The following RALGAPB variants were observed in gnomAD, a reference collection of about 807,000 sequenced individuals.
The protein encoded by RALGAPB is Ral GTPase activating protein non-catalytic subunit beta.
RALGAPB carries 25 observed loss-of-function variants against 161.1 expected under a neutral mutation model. The observed-to-expected ratio is 0.16, with a 90% CI of 0.11 to 0.22. RALGAPB has a LOEUF of 0.22. Among genes scored for constraint, RALGAPB ranks in the 10% least tolerant of loss-of-function variants. RALGAPB has a pLI of 1.00. For synonymous variants in RALGAPB, 629 were observed against 626.1 expected (o/e 1.00, Z -0.07); for missense variants, 1,391 against 1,815.2 (o/e 0.77, Z 4.25).
intron 3 of RALGAPB, among the ~76,000 whole-genome samples, chr20:38,495,646 A>G (rs937922915): frequency 3.3e-5 from 5 of 152,214 alleles, no homozygotes; most frequent in African/African-American, 9.6e-5. Context: ...ATTCACCACC[A>G]CTGTTCTAAA....
In RALGAPB at chr20:38,517,595, C is replaced by A. The variant is rs1568933907; in HGVS notation, c.1141C>A (p.Pro381Thr). ...PQSAAVSTTPPHNRRHRAVTV... is the reference protein window; with the variant it reads ...PQSAAVSTTPTHNRRHRAVTV... ...AAGTGCTGCTGTCAGTACCACCCCC[C>A]CACATAACCGGAGGCACCGGGCTGT... is the stretch of plus-strand genomic sequence containing the variant. Residue 381 changes from proline to threonine, a missense_variant, in exon 8 of 30, where the codon CCA becomes ACA. Coordinates refer to ENST00000262879, the MANE Select transcript of RALGAPB (RefSeq NM_020336.4). 1.2e-6 allele frequency: 2 copies of A among 1,614,064 alleles called. No individual in the cohort carries two copies. The highest frequency in any genetic ancestry group is 1.7e-6 in the Non-Finnish European group (2 of 1,179,978).
At chr20:38,491,328 T>C (rs1050174040) in intron 2 of RALGAPB, among the ~76,000 whole-genome samples, 1 of 150,904 alleles carries the variant, frequency 6.6e-6, no homozygotes, top group South Asian at 2.1e-4. Context: ...GCATACACTG[T>C]TTTTCTTTTT....
intron 14 of RALGAPB, 122 bp downstream of exon 14, chr20:38,531,353 C>A: frequency 2.5e-6 from 2 of 797,364 alleles, no homozygotes; most frequent in Non-Finnish European, 4.0e-6. Flanking sequence ...TGCTCATTGG[C>A]TCAGAAGTTT....
In RALGAPB at chr20:38,475,717, C is replaced by T. The variant is rs557935091; in HGVS notation, c.-31+2648C>T. ...ACAACCTCCGCCTCCTGGGTTCAAA[C>T]GATTCTCCTGCCTCAGCCTCCTGAG... On this transcript the variant is annotated intron_variant, in intron 1 of 29. Transcript: ENST00000262879. 1.1e-4 allele frequency among the ~76,000 whole-genome samples: 17 copies of T among 151,232 alleles called. No homozygotes were observed. In the South Asian group the frequency reaches 3.1e-3, roughly 28 times the overall value.
At chr20:38,574,114 C>G (rs1176412434) in intron 28 of RALGAPB, 36 bp from the exon 29 acceptor site, 3 of 1,576,378 alleles carry the variant, frequency 1.9e-6, no homozygotes, top group Non-Finnish European at 2.6e-6. Context: ...GACTTCAACT[C>G]TTGGGTGTCT....
rs757501919 is a variant in RALGAPB at position 38,546,292 on chromosome 20, C to T, written c.2764C>T (p.Pro922Ser). Residue 922 changes from proline to serine, a missense_variant, in exon 19 of 30, where the codon CCT (proline) becomes TCT (serine). Physicochemically the swap from Pro to Ser is moderately conservative, Grantham distance 74. This residue lies in a region of RALGAPB where 946 missense variants were observed against 1,257.2 expected (regional missense o/e 0.75). Coordinates refer to ENST00000262879, the MANE Select transcript of RALGAPB (RefSeq NM_020336.4). ...AFPSPSGPAS[P>S]CSLVNETTLI... ...TCCTTCACCTAGTGGTCCTGCCTCT[C>T]CTTGTAGTCTTGTGAATGAGACCAC... is the stretch of plus-strand genomic sequence containing the variant. The T allele has an allele frequency of 8.1e-6, 13 of 1,614,020 alleles. No individual in the cohort carries two copies. Among genetic ancestry groups the T allele is most frequent in the Non-Finnish European group, 1.0e-5 (12 of 1,180,002 alleles).
chr20:38,526,092 A>G (rs1169958918), intron 13 of RALGAPB, 50 bp downstream of exon 13: 5 of 1,595,602 alleles, frequency 3.1e-6, no homozygotes, highest in African/African-American at 2.7e-5. Context: ...ACTGTTGACT[A>G]CAGGCCTGCT....
chr20:38,540,064 A>T, intron 17 of RALGAPB, 106 bp downstream of exon 17: 1 of 963,546 alleles, frequency 1.0e-6, no homozygotes, highest in Non-Finnish European at 1.5e-6. Context: ...TGCACACTTT[A>T]AACTGAAAAT....
chr20:38,521,460 T>C lies in RALGAPB; in HGVS notation c.1418-37T>C, dbSNP rs1188517003. ...GGGTCCCATGAGCCTACGTGGCATA[T>C]TGCAAATATAATAAAACCCTCCTTT... On this transcript the variant is annotated intron_variant, in intron 9 of 29. Coordinates refer to ENST00000262879, the MANE Select transcript of RALGAPB (RefSeq NM_020336.4). 4 of 1,612,134 alleles carry C rather than the reference T, an allele frequency of 2.5e-6. No homozygotes were observed. In the African/African-American group the frequency reaches 4.0e-5, roughly 16 times the overall value.
chr20:38,551,662 G>T (rs1470877344), intron 21 of RALGAPB, among the ~76,000 whole-genome samples: 5 of 152,202 alleles, frequency 3.3e-5, no homozygotes, highest in African/African-American at 1.2e-4. Context: ...AAGAATTTCA[G>T]ATTTTGAGCT....
At chr20:38,488,158 G>A (rs1057216509) in intron 1 of RALGAPB, among the ~76,000 whole-genome samples, 3 of 152,182 alleles carry the variant, frequency 2.0e-5, no homozygotes, top group Admixed American at 2.0e-4. Context: ...CCTTTATTAT[G>A]TGTGATGCCT....
chr20:38,566,528 C>T (rs1449003519), intron 25 of RALGAPB, among the ~76,000 whole-genome samples: 2 of 152,102 alleles, frequency 1.3e-5, no homozygotes, highest in Non-Finnish European at 2.9e-5. Flanking sequence ...CCAACTGTGC[C>T]CACTCCAACT....
intron 24 of RALGAPB, among the ~76,000 whole-genome samples, chr20:38,563,316 A>C (rs1249226632): frequency 2.6e-5 from 4 of 152,240 alleles, no homozygotes; most frequent in Non-Finnish European, 5.9e-5. Flanking sequence ...CAAACAATAC[A>C]GCTTCCTAAC....
chr20:38,479,413 G>A (rs897808589), intron 1 of RALGAPB, among the ~76,000 whole-genome samples: 1 of 152,236 alleles, frequency 6.6e-6, no homozygotes. Flanking sequence ...ATCAATTGAT[G>A]TAATTAATGT....
chr20:38,534,555 AGT>A (rs2086747691), intron 15 of RALGAPB, among the ~76,000 whole-genome samples: 1 of 152,222 alleles, frequency 6.6e-6, no homozygotes, highest in Admixed American at 6.5e-5. Context: ...GAAGTATTAA[AGT>A]AATCCTGGAG....
At chr20:38,537,462 A>AAT (rs1160994865) in intron 16 of RALGAPB, among the ~76,000 whole-genome samples, 3 of 152,120 alleles carry the variant, frequency 2.0e-5, no homozygotes, top group African/African-American at 7.2e-5. Flanking sequence ...ATTACATAAA[A>AAT]ATATATATAT....
chr20:38,488,625 G>A lies in RALGAPB; in HGVS notation c.186+7G>A, dbSNP rs1439178960. On this transcript the variant is annotated splice_region_variant and intron_variant, in intron 2 of 29. Transcript: ENST00000262879. ...GTTAAAAACTGACAAAGAAGTAAGT[G>A]TTTCTAAATTTCATTCTCTTATATG... is the stretch of plus-strand genomic sequence containing the variant. 5 of 1,600,702 alleles carry A rather than the reference G, an allele frequency of 3.1e-6. No individual in the cohort carries two copies. Among genetic ancestry groups the A allele is most frequent in the Non-Finnish European group, 4.3e-6 (5 of 1,171,554 alleles).
intron 25 of RALGAPB, among the ~76,000 whole-genome samples, chr20:38,566,502 T>G (rs1488455523): frequency 6.6e-6 from 1 of 152,208 alleles, no homozygotes; most frequent in Non-Finnish European, 1.5e-5. Flanking sequence ...TCTCCTGTTG[T>G]GAAACATCTC....
intron 16 of RALGAPB, among the ~76,000 whole-genome samples, chr20:38,538,976 CT>C (rs949233120): frequency 1.3e-5 from 2 of 152,134 alleles, no homozygotes; most frequent in African/African-American, 4.8e-5. Context: ...TATCCAGAAG[CT>C]GGAAACAACC....
Sources: allele counts gnomAD v4.1 joint callset (sites outside exome capture counted in the v4.1 genomes callset), GRCh38; gene constraint gnomAD v4.1.1; regional missense constraint gnomAD v4.1.1; transcripts MANE v1.5; gene names NCBI Gene and HGNC (gene_info 2026-07-23, HGNC 2026-07-21).